GDPD5: variants seen among roughly 807,000 people sequenced by gnomAD.
GDPD5 encodes the protein glycerophosphodiester phosphodiesterase domain containing 5, also known as glycerophosphodiester phosphodiesterase 2.
GDPD5 carries 48 observed loss-of-function variants against 75.1 expected under a neutral mutation model. That is an observed-to-expected ratio of 0.64 (90% confidence interval 0.51 to 0.81). The LOEUF (loss-of-function observed/expected upper bound fraction) is 0.81. Ranked by LOEUF, GDPD5 falls within the 40% of genes least tolerant of loss-of-function variation. The probability of loss-of-function intolerance (pLI) is 0.00; values close to 1 mark genes in which losing one functional copy is unlikely to be tolerated. For synonymous variants in GDPD5, 336 were observed against 339.0 expected, an observed-to-expected ratio of 0.99 and a Z score of 0.10; for missense variants, 706 against 822.6, an observed-to-expected ratio of 0.86 and a Z score of 1.73.
intron 6 of GDPD5, among the ~76,000 whole-genome samples, chr11:75,456,338 G>C (rs1623440): frequency 1.3e-5 from 2 of 151,882 alleles, no homozygotes; most frequent in Non-Finnish European, 2.9e-5. Flanking sequence ...GTTTTCAAAA[G>C]AGCTCACCAA....
chr11:75,448,923 C>G (rs1949055722), intron 9 of GDPD5, 54 bp downstream of exon 9: 2 of 1,510,214 alleles, frequency 1.3e-6, no homozygotes, highest in African/African-American at 1.4e-5. Flanking sequence ...AAGAAGGTCC[C>G]CCCCATCGCA....
At chr11:75,511,286 T>C (rs1413260684) in intron 1 of GDPD5, among the ~76,000 whole-genome samples, 3 of 152,212 alleles carry the variant, frequency 2.0e-5, no homozygotes, top group African/African-American at 7.2e-5. Context: ...GGGGGTTTCC[T>C]TGCACAAAAC....
At chr11:75,444,072 C>T (rs764271748) in intron 10 of GDPD5, among the ~76,000 whole-genome samples, 27 of 152,154 alleles carry the variant, frequency 1.8e-4, no homozygotes, top group Admixed American at 2.6e-4. Context: ...GTATATGTCA[C>T]TTTTTTGTGG....
chr11:75,525,870 C>G lies in GDPD5; in HGVS notation c.-805G>C, dbSNP rs1941646933. The G allele has an allele frequency of 6.6e-6, 1 of 151,610 alleles. No homozygotes were observed. The highest frequency in any genetic ancestry group is 2.4e-5 in the African/African-American group (1 of 41,346). The allele number at this position is 151,610 out of a possible 1,614,324, so 9.4% of individuals were successfully genotyped here. On this transcript the variant is annotated 5_prime_UTR_variant, in exon 1 of 17. Coordinates refer to ENST00000336898, the MANE Select transcript of GDPD5 (RefSeq NM_030792.8). ...CCCTGCTCCCTCGCCGCTCGCTCAG[C>G]GCCGCGCCGCTGCCACCTCCGCTGT...
intron 1 of GDPD5, among the ~76,000 whole-genome samples, chr11:75,496,693 C>T (rs1352225036): frequency 6.6e-6 from 1 of 152,048 alleles, no homozygotes; most frequent in Non-Finnish European, 1.5e-5. Context: ...ACTCTCTGTA[C>T]GAGGCCAAGG....
intron 1 of GDPD5, among the ~76,000 whole-genome samples, chr11:75,493,663 T>C (rs1221773306): frequency 6.6e-6 from 1 of 151,988 alleles, no homozygotes; most frequent in Non-Finnish European, 1.5e-5. Flanking sequence ...TGGATGCTGC[T>C]TGGGGGAGGA....
chr11:75,481,648 C>A (rs1021507280), intron 2 of GDPD5, among the ~76,000 whole-genome samples: 4 of 152,044 alleles, frequency 2.6e-5, no homozygotes, highest in African/African-American at 9.7e-5. Flanking sequence ...CCCACATAGG[C>A]ACCCCCACAT....
At position 75,442,675 on chromosome 11, in the gene GDPD5, C is replaced by T. The variant is rs1263314559; in HGVS notation, c.949-94G>A. 16 of 1,078,384 alleles carry T rather than the reference C, an allele frequency of 1.5e-5. No individual in the cohort carries two copies. In the Admixed American group the frequency reaches 3.5e-4, roughly 23 times the overall value. 66.8% of individuals were successfully genotyped at this position (1,078,384 alleles called of 1,614,324 possible). A position where few individuals can be genotyped will look rare whatever the true frequency, so the allele number is the denominator to read the frequency against. ...GCAACCAAGCGTGGAGACCCCTGGG[C>T]TGCCAGAGTCTGCTGGGGTCAGGCA... On this transcript the variant is annotated intron_variant, in intron 11 of 16. Transcript: ENST00000336898.
intron 6 of GDPD5, among the ~76,000 whole-genome samples, chr11:75,456,360 G>T (rs1264788530): frequency 2.6e-5 from 4 of 152,164 alleles, no homozygotes; most frequent in African/African-American, 9.7e-5. Context: ...GAAGGAAGAG[G>T]CAGGTGAGAC....
chr11:75,462,924 CA>C, intron 3 of GDPD5, 35 bp from the exon 4 acceptor site: 1 of 1,553,032 alleles, frequency 6.4e-7, no homozygotes, highest in South Asian at 1.1e-5. Context: ...TTAAGTGGGT[CA>C]GGGGCCAGCC....
intron 3 of GDPD5, among the ~76,000 whole-genome samples, chr11:75,464,636 C>CTG (rs1166486121): frequency 1.3e-5 from 2 of 152,168 alleles, no homozygotes; most frequent in Non-Finnish European, 2.9e-5. Flanking sequence ...CGTACATAAA[C>CTG]AGAGATGCAA....
intron 14 of GDPD5, among the ~76,000 whole-genome samples, chr11:75,440,681 GAGTAGCT>G (rs1218590152): frequency 6.6e-6 from 1 of 152,030 alleles, no homozygotes; most frequent in Non-Finnish European, 1.5e-5. Flanking sequence ...TCAGCCTACC[GAGTAGCT>G]AGGACTACAG....
At chr11:75,436,757 G>A (rs1158597522) in intron 16 of GDPD5, among the ~76,000 whole-genome samples, 179 bp downstream of exon 16, 1 of 152,206 alleles carries the variant, frequency 6.6e-6, no homozygotes, top group Non-Finnish European at 1.5e-5. Context: ...GTTTTCACAC[G>A]TGTACTTATG....
intron 1 of GDPD5, among the ~76,000 whole-genome samples, chr11:75,513,461 C>G (rs1241149279): frequency 6.6e-6 from 1 of 152,090 alleles, no homozygotes; most frequent in Non-Finnish European, 1.5e-5. Context: ...GTGTCTGATT[C>G]CAGAGCCCAC....
Position 75,515,055 on chromosome 11 carries a change from C to G in GDPD5, c.-145+10155G>C, listed in dbSNP as rs115307116. ...CCAAGCCAGAATTCTGACTCCGAGG[C>G]CCACATACCTCCCTTCTCAGGAAGT... On this transcript the variant is annotated intron_variant, in intron 1 of 16. Coordinates refer to ENST00000336898, the MANE Select transcript of GDPD5 (RefSeq NM_030792.8). Among the ~76,000 whole-genome samples, 4 of 152,198 alleles carry G rather than the reference C, an allele frequency of 2.6e-5. No homozygotes were observed. In the South Asian group the frequency reaches 6.2e-4, roughly 24 times the overall value.
chr11:75,447,798 T>C (rs1022352920), intron 9 of GDPD5, among the ~76,000 whole-genome samples: 1 of 152,028 alleles, frequency 6.6e-6, no homozygotes, highest in Non-Finnish European at 1.5e-5. Context: ...TGGGCTCCAA[T>C]TGGTCCTCAC....
intron 3 of GDPD5, among the ~76,000 whole-genome samples, chr11:75,463,439 G>A (rs1308388960): frequency 6.6e-6 from 1 of 152,208 alleles, no homozygotes; most frequent in African/African-American, 2.4e-5. Flanking sequence ...TCTCCAGCCA[G>A]GTGGAAGTGG....
chr11:75,442,611 G>A lies in GDPD5; in HGVS notation c.949-30C>T, dbSNP rs376352073. On this transcript the variant is annotated intron_variant, in intron 11 of 16. Transcript: ENST00000336898. ...CAGGGACAGGGACACACACATGGCTGCATCATCAGCCCTTTGGGGGCCCCC... is the reference window on the plus strand; with the variant it reads ...CAGGGACAGGGACACACACATGGCTACATCATCAGCCCTTTGGGGGCCCCC... 7.5e-6 allele frequency: 12 copies of A among 1,603,840 alleles called. No individual in the cohort carries two copies. In the African/African-American group the frequency reaches 1.1e-4, roughly 14 times the overall value.
intron 1 of GDPD5, among the ~76,000 whole-genome samples, chr11:75,496,841 C>T (rs1282882261): frequency 7.7e-6 from 1 of 129,290 alleles, no homozygotes; most frequent in Non-Finnish European, 1.5e-5. Context: ...AGTGCAGTGG[C>T]GCGATCACAG....
Sources: gnomAD v4.1 joint callset for allele counts (sites outside exome capture counted in the v4.1 genomes callset) on GRCh38, gnomAD v4.1.1 for gene constraint, MANE v1.5 for transcripts, NCBI Gene and HGNC (gene_info 2026-07-23, HGNC 2026-07-21) for gene names.